Variants in COL11A1 observed in about 807,000 individuals in gnomAD.
COL11A1 encodes the protein collagen alpha-1(XI) chain.
In COL11A1, 74 loss-of-function variants were observed where a neutral mutation model predicts 265.2. That is an observed-to-expected ratio of 0.28 (90% CI 0.23 to 0.34). The LOEUF is 0.34. Among genes scored for constraint, COL11A1 ranks in the 10% least tolerant of loss-of-function variants. The pLI, the probability that COL11A1 is intolerant of heterozygous loss-of-function variation, is 1.00. For synonymous variants in COL11A1, 816 were observed against 727.6 expected (o/e 1.12, Z -1.96); for missense variants, 2,165 against 2,263.6 (o/e 0.96, Z 0.88).
intron 4 of COL11A1, among the ~76,000 whole-genome samples, chr1:103,060,935 T>A (rs575661930): frequency 6.6e-6 from 1 of 152,142 alleles, no homozygotes; most frequent in East Asian, 1.9e-4. Context: ...ATATGAATGA[T>A]TTAAATACAC....
chr1:103,090,451 A>G (rs910664355), intron 1 of COL11A1, among the ~76,000 whole-genome samples: 4 of 152,322 alleles, frequency 2.6e-5, no homozygotes, highest in East Asian at 1.9e-4. Flanking sequence ...ATATTCTGCT[A>G]TATTTCAAAA....
At chr1:102,878,186 A>G in intron 66 of COL11A1, 21 bp from the exon 67 acceptor site, 1 of 1,594,688 alleles carries the variant, frequency 6.3e-7, no homozygotes, top group East Asian at 2.3e-5. Context: ...AAGCAGAAAT[A>G]AAAAGTTATA....
chr1:103,103,122 T>C (rs1674414216), intron 1 of COL11A1, among the ~76,000 whole-genome samples: 1 of 152,016 alleles, frequency 6.6e-6, no homozygotes, highest in Non-Finnish European at 1.5e-5. Context: ...TATTAGAATT[T>C]GCACTACTAC....
At position 102,923,378 on chromosome 1, in the gene COL11A1, G is replaced by A; in HGVS notation, c.3612C>T (p.Gly1204=). The A allele has an allele frequency of 6.2e-7, 1 of 1,602,750 alleles. No individual in the cohort carries two copies. Among genetic ancestry groups the A allele is most frequent in the Non-Finnish European group, 8.5e-7 (1 of 1,173,450 alleles). The change falls in exon 47 of 67, where the codon GGC becomes GGT. Residue 1204 remains glycine, a synonymous_variant. Coordinates refer to ENST00000370096, the MANE Select transcript of COL11A1 (RefSeq NM_001854.4). ...CATTTTCACCTTTTTCACCAGGTGG[G>A]CCTGGCAGACCCTAAGAAAATATAA... is the stretch of plus-strand genomic sequence containing the variant. ...PGPIGLQGLP[G]PPGEKGENGD... is the part of the protein sequence containing the mutation.
intron 4 of COL11A1, among the ~76,000 whole-genome samples, chr1:103,072,607 A>G (rs905406659): frequency 6.6e-6 from 1 of 151,836 alleles, no homozygotes; most frequent in Non-Finnish European, 1.5e-5. Context: ...TAAGTTTTTA[A>G]GAAAAGAGAT....
rs71592254 is a variant in COL11A1 at position 102,998,625 on chromosome 1, GT to G, written c.2143-263del. Among the ~76,000 whole-genome samples the G allele has an allele frequency of 0.024, 3,664 of 151,820 alleles. 61 individuals are homozygous for G. Among genetic ancestry groups the G allele is most frequent in the Middle Eastern group, 0.092 (27 of 294 alleles). ...GGTCTTTTTTTAAATTAGCAAATTA[GT>G]TTTTGAATACCACAATAAACTGAAG... On this transcript the variant is annotated intron_variant, in intron 24 of 66. Transcript: ENST00000370096.
intron 25 of COL11A1, among the ~76,000 whole-genome samples, chr1:102,997,648 GT>G (rs1664752415): frequency 6.6e-6 from 1 of 151,880 alleles, no homozygotes; most frequent in Non-Finnish European, 1.5e-5. Flanking sequence ...ACAAGGAAAG[GT>G]AGGATGAGAA....
At chr1:103,033,735 G>A (rs1465432121) in intron 4 of COL11A1, among the ~76,000 whole-genome samples, 2 of 152,058 alleles carry the variant, frequency 1.3e-5, no homozygotes, top group African/African-American at 4.8e-5. Flanking sequence ...TTCAATCTGA[G>A]AGACTTTATA....
chr1:102,944,091 T>A (rs1159146614), intron 42 of COL11A1, among the ~76,000 whole-genome samples: 2 of 152,044 alleles, frequency 1.3e-5, no homozygotes. Context: ...GGTTGATGGG[T>A]AGGTAGACCA....
At chr1:102,996,855 T>A (rs2101799371) in intron 26 of COL11A1, among the ~76,000 whole-genome samples, 1 of 151,968 alleles carries the variant, frequency 6.6e-6, no homozygotes, top group African/African-American at 2.4e-5. Context: ...ATAATACACA[T>A]GAAAAATATG....
chr1:103,017,933 T>A (rs1469932649), intron 10 of COL11A1, 51 bp from the exon 11 acceptor site: 1 of 1,375,492 alleles, frequency 7.3e-7, no homozygotes, highest in Non-Finnish European at 1.0e-6. Context: ...TCATTAATAT[T>A]TAGATGAATT....
At chr1:103,057,081 G>A (rs1172865715) in intron 4 of COL11A1, among the ~76,000 whole-genome samples, 1 of 152,088 alleles carries the variant, frequency 6.6e-6, no homozygotes, top group African/African-American at 2.4e-5. Context: ...AGATTTCTCT[G>A]TAGCATGTGA....
At chr1:102,928,354 G>A (rs1006790389) in intron 46 of COL11A1, among the ~76,000 whole-genome samples, 3 of 149,582 alleles carry the variant, frequency 2.0e-5, no homozygotes, top group Non-Finnish European at 4.4e-5. Flanking sequence ...TGCGGTGTTT[G>A]GTTTTTTGTT....
rs1669228704 is a variant in COL11A1, at chr1:103,045,972, A to G, written c.652-14728T>C. On this transcript the variant is annotated intron_variant, in intron 4 of 66. Coordinates refer to ENST00000370096, the MANE Select transcript of COL11A1 (RefSeq NM_001854.4). ...CATCATTTTTTTATGGCTGCATAGTATTCCATGGTGTATATGTGCCACATT... is the reference window on the plus strand; with the variant it reads ...CATCATTTTTTTATGGCTGCATAGTGTTCCATGGTGTATATGTGCCACATT... 2.7e-5 allele frequency among the ~76,000 whole-genome samples: 4 copies of G among 150,874 alleles called. No homozygotes were observed. The South Asian group carries it at 8.3e-4, about 31-fold the overall frequency.
rs750291363 is a variant in COL11A1, at chr1:102,921,534, C to A, written c.3692G>T (p.Gly1231Val). The change falls in exon 48 of 67, where the codon GGT becomes GTT. Residue 1231 changes from glycine (G) to valine (V), a missense_variant. Gly to Val is a moderately radical substitution (Grantham distance 109). Coordinates refer to ENST00000370096, the MANE Select transcript of COL11A1 (RefSeq NM_001854.4). The part of the protein sequence containing the change: ...PGPPGPRGPQ[G>V]PNGADGPQGP... Reference sequence around the variant, plus strand: ...AGTTCTTACATCAGCTCCATTGGGACCTTGAGGGCCTCTTGGGCCTGGAGG... The same window carrying A: ...AGTTCTTACATCAGCTCCATTGGGAACTTGAGGGCCTCTTGGGCCTGGAGG... The A allele has an allele frequency of 6.2e-7, 1 of 1,613,356 alleles. No individual in the cohort carries two copies. Among genetic ancestry groups the A allele is most frequent in the Non-Finnish European group, 8.5e-7 (1 of 1,179,528 alleles).
chr1:103,006,526 A>ATTTTTTTTTTTTTTTTTT lies in COL11A1; in HGVS notation c.1684-229_1684-212dup, dbSNP rs4013849. ...ATACCTATTTTTTCTAAATGGCTCC[A>ATTTTTTTTTTTTTTTTTT]TTTTTTTTTTTTTTTTTTTTTTTTT... is the stretch of plus-strand genomic sequence containing the variant. On this transcript the variant is annotated intron_variant, in intron 15 of 66. Transcript: ENST00000370096. Among the ~76,000 whole-genome samples the ATTTTTTTTTTTTTTTTTT allele has an allele frequency of 4.8e-5, 4 of 82,862 alleles. 1 individual carries two copies. Among genetic ancestry groups the ATTTTTTTTTTTTTTTTTT allele is most frequent in the Non-Finnish European group, 6.4e-5 (3 of 47,228 alleles). 54.4% of individuals were successfully genotyped at this position (82,862 alleles called of 152,430 possible).
intron 65 of COL11A1, 61 bp downstream of exon 65, chr1:102,881,636 T>G: frequency 7.7e-7 from 1 of 1,306,468 alleles, no homozygotes; most frequent in South Asian, 1.2e-5. Context: ...CAGAAATACA[T>G]AATCAGAATG....
Position 102,876,974 on chromosome 1 carries a change from C to A in COL11A1, c.*1045G>T, listed in dbSNP as rs959174703. 6.6e-6 allele frequency: 1 copy of A among 152,416 alleles called. No homozygotes were observed. The highest frequency in any genetic ancestry group is 1.5e-5 in the Non-Finnish European group (1 of 67,956). The allele number at this position is 152,416 out of a possible 1,614,324, so 9.4% of individuals were successfully genotyped here. ...TTTTCGAGACTGTTATAATATGCAA[C>A]TTAGAATCAAATTCAAGAACTTGAT... On this transcript the variant is annotated 3_prime_UTR_variant, in exon 67 of 67. Coordinates refer to ENST00000370096, the MANE Select transcript of COL11A1 (RefSeq NM_001854.4).
rs576164901 is a variant in COL11A1, at chr1:102,887,633, G to A, written c.4609-577C>T. Among the ~76,000 whole-genome samples the A allele has an allele frequency of 2.0e-5, 3 of 152,216 alleles. No individual in the cohort carries two copies. The South Asian group carries it at 6.2e-4, about 32-fold the overall frequency. On this transcript the variant is annotated intron_variant, in intron 62 of 66. Transcript: ENST00000370096. ...AGCTATATCAAATAGTTATCATATT[G>A]TCATGGGTTGAATTGTATCCCACAA...
Sources: gnomAD v4.1 joint callset for allele counts (sites outside exome capture counted in the v4.1 genomes callset) on GRCh38, gnomAD v4.1.1 for gene constraint, MANE v1.5 for transcripts, NCBI Gene and HGNC (gene_info 2026-07-23, HGNC 2026-07-21) for gene names.